Variants in MAP2K5 observed in about 807,000 individuals in gnomAD.
The protein encoded by MAP2K5 is dual specificity mitogen-activated protein kinase kinase 5.
A neutral mutation model predicts 83.1 loss-of-function variants in MAP2K5; 49 were observed. The observed-to-expected ratio is 0.59, with a 90% CI of 0.47 to 0.75. The LOEUF (loss-of-function observed/expected upper bound fraction) is 0.75. Among genes scored for constraint, MAP2K5 ranks in the 30% least tolerant of loss-of-function variants. MAP2K5 has a pLI of 0.00. For synonymous variants in MAP2K5, 202 were observed against 191.8 expected (o/e 1.05, Z -0.44); for missense variants, 457 against 557.5 (o/e 0.82, Z 1.82).
chr15:67,802,611 A>G lies in MAP2K5; in HGVS notation c.1243-4035A>G, dbSNP rs1044651439. ...GATGAGGCCAGCAAGATCTTTCAGC[A>G]GCTCCAGCCTGGCACTGCCAGGTTC... On this transcript the variant is annotated intron_variant, in intron 21 of 21. Coordinates refer to ENST00000178640, the MANE Select transcript of MAP2K5 (RefSeq NM_145160.3). The surrounding 1 kb of genome is among the most constrained non-coding windows in gnomAD (Gnocchi z 5.0). 6.6e-6 allele frequency among the ~76,000 whole-genome samples: 1 copy of G among 152,240 alleles called. No homozygotes were observed. The highest frequency in any genetic ancestry group is 6.5e-5 in the Admixed American group (1 of 15,290).
At chr15:67,585,316 T>G (rs2085266492) in intron 4 of MAP2K5, among the ~76,000 whole-genome samples, 1 of 152,192 alleles carries the variant, frequency 6.6e-6, no homozygotes, top group Admixed American at 6.5e-5. Context: ...TGGCACTGCC[T>G]TATCTCTAGG....
In MAP2K5 at chr15:67,760,171, C is replaced by T. The variant is rs2089922112; in HGVS notation, c.1135-9431C>T. Among the ~76,000 whole-genome samples, 1 of 152,180 alleles carries T rather than the reference C, an allele frequency of 6.6e-6. No homozygotes were observed. Among genetic ancestry groups the T allele is most frequent in the African/African-American group, 2.4e-5 (1 of 41,444 alleles). On this transcript the variant is annotated intron_variant, in intron 19 of 21. Transcript: ENST00000178640. The surrounding 1 kb of genome is among the most constrained non-coding windows in gnomAD (Gnocchi z 4.1). ...TAATTACTTTTTCTATTGGTAATAACTGTTTCTTTAGAAATGACATTAACA... is the reference window on the plus strand; with the variant it reads ...TAATTACTTTTTCTATTGGTAATAATTGTTTCTTTAGAAATGACATTAACA...
At position 67,708,630 on chromosome 15, in the gene MAP2K5, C is replaced by T. The variant is rs562504289; in HGVS notation, c.1044+5222C>T. 2.0e-5 allele frequency among the ~76,000 whole-genome samples: 3 copies of T among 152,200 alleles called. No homozygotes were observed. Among genetic ancestry groups the T allele is most frequent in the South Asian group, 2.1e-4 (1 of 4,816 alleles). On this transcript the variant is annotated intron_variant, in intron 16 of 21. Coordinates refer to ENST00000178640, the MANE Select transcript of MAP2K5 (RefSeq NM_145160.3). The surrounding 1 kb of genome is among the most constrained non-coding windows in gnomAD (Gnocchi z 4.9). ...AGGTGTACCACTGCACCTGGCTGAACGCCTTCATTGTTTTAAACCCCTGAA... is the reference window on the plus strand; with the variant it reads ...AGGTGTACCACTGCACCTGGCTGAATGCCTTCATTGTTTTAAACCCCTGAA...
chr15:67,678,282 G>A (rs1469216457), intron 13 of MAP2K5, among the ~76,000 whole-genome samples: 1 of 152,182 alleles, frequency 6.6e-6, no homozygotes. Flanking sequence ...GTGGAGACCG[G>A]CTAATGTGCC....
intron 7 of MAP2K5, among the ~76,000 whole-genome samples, chr15:67,594,109 A>G (rs977771009): frequency 1.3e-5 from 2 of 152,208 alleles, no homozygotes; most frequent in Non-Finnish European, 2.9e-5. Flanking sequence ...TGCCATCCAG[A>G]GTATGTGAAT....
chr15:67,791,804 C>T (rs576141778), intron 21 of MAP2K5, among the ~76,000 whole-genome samples: 1 of 152,192 alleles, frequency 6.6e-6, no homozygotes, highest in South Asian at 2.1e-4. Context: ...AAGCATTTCT[C>T]TCTCCAAATC....
At chr15:67,756,515 C>CTCTGTGTG (rs376708425) in intron 19 of MAP2K5, among the ~76,000 whole-genome samples, 8 of 131,602 alleles carry the variant, frequency 6.1e-5, no homozygotes, top group Non-Finnish European at 8.2e-5. Flanking sequence ...CACACAGTTA[C>CTCTGTGTG]TGTGTGTGTG....
At chr15:67,626,577 T>C (rs1034648689) in intron 8 of MAP2K5, among the ~76,000 whole-genome samples, 3 of 152,076 alleles carry the variant, frequency 2.0e-5, no homozygotes, top group Admixed American at 6.5e-5. Context: ...GTTCCACTTA[T>C]AAAATGTGTA....
chr15:67,773,627 A>G (rs1242644184), intron 21 of MAP2K5, among the ~76,000 whole-genome samples: 1 of 152,248 alleles, frequency 6.6e-6, no homozygotes, highest in Admixed American at 6.5e-5. Context: ...ATCCTTGAAT[A>G]TAAAATAACA....
chr15:67,709,740 G>C (rs1463829342), intron 16 of MAP2K5, among the ~76,000 whole-genome samples: 2 of 152,148 alleles, frequency 1.3e-5, no homozygotes, highest in African/African-American at 4.8e-5. Flanking sequence ...CTGTAGTTGG[G>C]AAGTAAACAG....
At chr15:67,593,065 GTC>G (rs2085450192) in intron 7 of MAP2K5, 91 bp downstream of exon 7, 1 of 786,462 alleles carries the variant, frequency 1.3e-6, no homozygotes, top group African/African-American at 1.8e-5. Flanking sequence ...CAGATAAAGA[GTC>G]TGTGAGTTTC....
At position 67,750,818 on chromosome 15, in the gene MAP2K5, G is replaced by A. The variant is rs62015178; in HGVS notation, c.1134+2217G>A. 0.05 allele frequency among the ~76,000 whole-genome samples: 7,648 copies of A among 152,006 alleles called. 467 individuals carry two copies. Among genetic ancestry groups the A allele is most frequent in the African/African-American group, 0.14 (5,690 of 41,428 alleles). On this transcript the variant is annotated intron_variant, in intron 19 of 21. Transcript: ENST00000178640. This position sits in a 1 kb window ranked among gnomAD's most constrained non-coding sequence, Gnocchi z 4.2. ...AATATGCCCAGTTGGGATTTGAGCC[G>A]TTTTACTGCTTGGGAGTGGGATTTA...
chr15:67,683,233 G>T (rs558933890), intron 13 of MAP2K5, among the ~76,000 whole-genome samples: 2 of 152,142 alleles, frequency 1.3e-5, no homozygotes, highest in Admixed American at 6.5e-5. Context: ...TGATACTTTG[G>T]ATATAAGGTA....
chr15:67,583,172 A>G (rs992492525), intron 4 of MAP2K5, among the ~76,000 whole-genome samples: 3 of 152,342 alleles, frequency 2.0e-5, no homozygotes, highest in African/African-American at 7.2e-5. Flanking sequence ...CACACAGCTT[A>G]TAAGTGCTTA....
Position 67,757,371 on chromosome 15 carries a change from C to T in MAP2K5, c.1134+8770C>T, listed in dbSNP as rs969124896. On this transcript the variant is annotated intron_variant, in intron 19 of 21. Coordinates refer to ENST00000178640, the MANE Select transcript of MAP2K5 (RefSeq NM_145160.3). This position sits in a 1 kb window ranked among gnomAD's most constrained non-coding sequence, Gnocchi z 4.9. ...TGATGTTCACACATTTCTAAAAGCC[C>T]TTGACCCCTTTATGTTGCTCAAAAA... 6.6e-6 allele frequency among the ~76,000 whole-genome samples: 1 copy of T among 151,480 alleles called. No homozygotes were observed. The highest frequency in any genetic ancestry group is 2.4e-5 in the African/African-American group (1 of 41,376).
intron 5 of MAP2K5, 106 bp from the exon 6 acceptor site, chr15:67,586,740 C>T (rs2085300117): frequency 2.0e-6 from 2 of 1,007,090 alleles, no homozygotes; most frequent in Non-Finnish European, 3.2e-6. Flanking sequence ...TAGCAACAAG[C>T]TAATTAACCT....
chr15:67,570,825 T>A (rs577882113), intron 3 of MAP2K5, among the ~76,000 whole-genome samples: 1 of 152,346 alleles, frequency 6.6e-6, no homozygotes, highest in South Asian at 2.1e-4. Flanking sequence ...TAATAGGGTA[T>A]GCTTGCAGTA....
At chr15:67,694,164 A>C (rs2141204322) in intron 15 of MAP2K5, among the ~76,000 whole-genome samples, 1 of 152,288 alleles carries the variant, frequency 6.6e-6, no homozygotes, top group East Asian at 1.9e-4. Flanking sequence ...AGACCAGTGC[A>C]GACTTGGCTT....
chr15:67,621,982 G>A (rs192813914), intron 8 of MAP2K5, among the ~76,000 whole-genome samples: 2 of 151,964 alleles, frequency 1.3e-5, no homozygotes, highest in South Asian at 2.1e-4. Context: ...TCAGGAGTTC[G>A]AGATCAGCCT....
Sources: allele counts gnomAD v4.1 joint callset (sites outside exome capture counted in the v4.1 genomes callset), GRCh38; gene constraint gnomAD v4.1.1; non-coding constraint Gnocchi (gnomAD v3.1); transcripts MANE v1.5; gene names NCBI Gene and HGNC (gene_info 2026-07-23, HGNC 2026-07-21).